Variants in REDIC1 observed in about 807,000 individuals in gnomAD.
REDIC1 encodes the protein regulator of DNA class I crossover intermediates 1, also known as HEI10 Interacting Protein 1.
the REDIC1 span, among the ~76,000 whole-genome samples, chr12:39,705,937 AG>A: frequency 6.6e-6 from 1 of 151,978 alleles, no homozygotes; most frequent in Non-Finnish European, 1.5e-5. Context: ...TATTCAACAT[AG>A]TACTCTAAGT....
chr12:39,778,796 G>A, the REDIC1 span, among the ~76,000 whole-genome samples: 1 of 152,126 alleles, frequency 6.6e-6, no homozygotes, highest in Non-Finnish European at 1.5e-5. Flanking sequence ...AAATACCAAT[G>A]ACTGAAAAAC....
the REDIC1 span, among the ~76,000 whole-genome samples, chr12:39,627,659 A>C: frequency 6.6e-6 from 1 of 152,188 alleles, no homozygotes; most frequent in Non-Finnish European, 1.5e-5. Flanking sequence ...GGGTTTAAGA[A>C]ACATGGTTAC....
chr12:39,661,286 G>A, the REDIC1 span, among the ~76,000 whole-genome samples: 1 of 152,058 alleles, frequency 6.6e-6, no homozygotes, highest in South Asian at 2.1e-4. Flanking sequence ...GTGTATGAGA[G>A]TTCTCTTTTC....
At chr12:39,817,964 C>T in the REDIC1 span, among the ~76,000 whole-genome samples, 1 of 152,142 alleles carries the variant, frequency 6.6e-6, no homozygotes, top group Non-Finnish European at 1.5e-5. Flanking sequence ...TGTTTTTCTT[C>T]ATTCTATTTT....
At chr12:39,904,965 C>T in the REDIC1 span, among the ~76,000 whole-genome samples, 2 of 152,050 alleles carry the variant, frequency 1.3e-5, no homozygotes, top group East Asian at 1.9e-4. Context: ...GACGTGCAGG[C>T]AAACTATCCC....
chr12:39,667,198 G>T, the REDIC1 span, among the ~76,000 whole-genome samples: 1 of 152,100 alleles, frequency 6.6e-6, no homozygotes, highest in Non-Finnish European at 1.5e-5. Flanking sequence ...TCTCTTGTGG[G>T]CATTTAGTGC....
the REDIC1 span, among the ~76,000 whole-genome samples, chr12:39,821,869 T>C: frequency 1.3e-5 from 2 of 152,082 alleles, no homozygotes; most frequent in Non-Finnish European, 2.9e-5. Context: ...CGATCACACG[T>C]GCCAAGAATA....
the REDIC1 span, among the ~76,000 whole-genome samples, chr12:39,681,913 G>A: frequency 6.6e-6 from 1 of 151,942 alleles, no homozygotes; most frequent in Admixed American, 6.6e-5. Context: ...TAAATTTGTA[G>A]TCACTGACAA....
the REDIC1 span, among the ~76,000 whole-genome samples, chr12:39,896,031 CAT>C: frequency 0.5 from 69,436 of 138,698 alleles, 17,986 homozygotes; most frequent in East Asian, 0.78. Flanking sequence ...TACATACATG[CAT>C]ATGTTTATAT....
At chr12:39,872,466 T>A in the REDIC1 span, among the ~76,000 whole-genome samples, 1 of 152,320 alleles carries the variant, frequency 6.6e-6, no homozygotes, top group Non-Finnish European at 1.5e-5. Flanking sequence ...AGTGTCAGAA[T>A]GTATCTAGCA....
chr12:39,853,915 T>A, the REDIC1 span, among the ~76,000 whole-genome samples: 1 of 152,126 alleles, frequency 6.6e-6, no homozygotes, highest in Non-Finnish European at 1.5e-5. Context: ...TAAAAACTCT[T>A]GTTTTAGTGA....
the REDIC1 span, among the ~76,000 whole-genome samples, chr12:39,630,565 A>T: frequency 6.6e-6 from 1 of 152,168 alleles, no homozygotes; most frequent in Non-Finnish European, 1.5e-5. Flanking sequence ...GTTGTAGTGT[A>T]TTGGGGAAGA....
At chr12:39,650,894 A>G in the REDIC1 span, among the ~76,000 whole-genome samples, 2 of 152,268 alleles carry the variant, frequency 1.3e-5, no homozygotes, top group Admixed American at 6.5e-5. This position sits in a 1 kb window ranked among gnomAD's most constrained non-coding sequence, Gnocchi z 4.3. Context: ...ACATTTTACA[A>G]TCTCCATGAA....
chr12:39,784,432 C>T, the REDIC1 span, among the ~76,000 whole-genome samples: 1 of 152,146 alleles, frequency 6.6e-6, no homozygotes, highest in African/African-American at 2.4e-5. Flanking sequence ...ACATCTACAA[C>T]CATCTGATCT....
the REDIC1 span, among the ~76,000 whole-genome samples, chr12:39,743,929 A>G: frequency 6.6e-6 from 1 of 152,220 alleles, no homozygotes; most frequent in African/African-American, 2.4e-5. Flanking sequence ...TAGCTGAAGC[A>G]ATAATGGCTC....
chr12:39,769,006 T>G, the REDIC1 span, among the ~76,000 whole-genome samples: 1 of 152,082 alleles, frequency 6.6e-6, no homozygotes, highest in African/African-American at 2.4e-5. Flanking sequence ...TTTTTCACCA[T>G]TTGAGTTCCC....
At chr12:39,706,629 A>C in the REDIC1 span, among the ~76,000 whole-genome samples, 1 of 151,994 alleles carries the variant, frequency 6.6e-6, no homozygotes, top group Non-Finnish European at 1.5e-5. Context: ...TATAGTAACC[A>C]AAACAGCATG....
At chr12:39,679,657 T>TG in the REDIC1 span, among the ~76,000 whole-genome samples, 1 of 152,036 alleles carries the variant, frequency 6.6e-6, no homozygotes, top group Admixed American at 6.6e-5. Context: ...AAAACTCATA[T>TG]GCACCCCAAA....
the REDIC1 span, among the ~76,000 whole-genome samples, chr12:39,899,589 A>C: frequency 6.6e-6 from 1 of 151,530 alleles, no homozygotes; most frequent in Non-Finnish European, 1.5e-5. Context: ...TCAATTTTGG[A>C]TCTTTCCTGC....
Sources: gnomAD v4.1 joint callset for allele counts (sites outside exome capture counted in the v4.1 genomes callset) on GRCh38, gnomAD v4.1.1 for gene constraint, Gnocchi (gnomAD v3.1) non-coding constraint, MANE v1.5 for transcripts, NCBI Gene and HGNC (gene_info 2026-07-23, HGNC 2026-07-21) for gene names.